The following TDRD12 variants were observed in gnomAD, a reference collection of about 807,000 sequenced individuals.
TDRD12 encodes tudor domain containing 12, also known as putative ATP-dependent RNA helicase TDRD12.
In TDRD12, 158 loss-of-function variants were observed where a neutral mutation model predicts 133.5. The ratio of observed to expected loss-of-function variants is 1.18; its 90% CI spans 1.04 to 1.35. TDRD12 has a LOEUF of 1.35. Ranked by LOEUF, TDRD12 falls within the 40% of genes most tolerant of loss-of-function variation. TDRD12 has a pLI of 0.00. For missense variants in TDRD12, 1,443 were observed against 1,321.3 expected, an observed-to-expected ratio of 1.09 and a Z score of -1.43; for synonymous variants, 460 against 477.9, an observed-to-expected ratio of 0.96 and a Z score of 0.49.
chr19:32,826,805 G>A lies in TDRD12; in HGVS notation c.1049+207G>A, dbSNP rs1967607893. 4.6e-6 allele frequency: 5 copies of A among 1,096,226 alleles called. No homozygotes were observed. The South Asian group carries it at 1.9e-4, about 42-fold the overall frequency. 67.9% of individuals were successfully genotyped at this position (1,096,226 alleles called of 1,614,324 possible). A position where few individuals can be genotyped will look rare whatever the true frequency, so the allele number is the denominator to read the frequency against. Reference sequence around the variant, plus strand: ...GTTGTAGGTTCTGAGGGCAGTGAGGGACACCATCACCCACTTAGGAATTCA... The same window carrying A: ...GTTGTAGGTTCTGAGGGCAGTGAGGAACACCATCACCCACTTAGGAATTCA... On this transcript the variant is annotated intron_variant, in intron 9 of 9. Coordinates refer to the TDRD12 transcript ENST00000637289.
In TDRD12 at chr19:32,798,312, T is replaced by A; in HGVS notation, c.1635T>A (p.Asp545Glu). 3 of 1,529,784 alleles carry A rather than the reference T, an allele frequency of 2.0e-6. No individual in the cohort carries two copies. The South Asian group carries it at 3.6e-5, about 18-fold the overall frequency. 94.8% of individuals were successfully genotyped at this position (1,529,784 alleles called of 1,614,324 possible). ...CACTTTTTTTTTTAAATGCAGGTGATGTGATTGTTACGACCCCATACAGCC... is the reference window on the plus strand; with the variant it reads ...CACTTTTTTTTTTAAATGCAGGTGAAGTGATTGTTACGACCCCATACAGCC... The change falls in exon 16 of 28, where the codon GAT becomes GAA. Residue 545 changes from aspartate to glutamate, a missense_variant. Coordinates refer to ENST00000444215, the Ensembl canonical transcript of TDRD12.
chr19:32,798,474 G>T, intron 16 of TDRD12, 39 bp downstream of exon 16: 1 of 1,484,154 alleles, frequency 6.7e-7, no homozygotes, highest in Admixed American at 2.1e-5. Context: ...CAGAAGAGAG[G>T]CGTGATTAAC....
chr19:32,801,747 C>A lies in TDRD12; in HGVS notation c.2080-9C>A. The A allele has an allele frequency of 8.5e-7, 1 of 1,177,294 alleles. No homozygotes were observed. Among genetic ancestry groups the A allele is most frequent in the Non-Finnish European group, 1.2e-6 (1 of 846,748 alleles). The allele number at this position is 1,177,294 out of a possible 1,614,324, so 72.9% of individuals were successfully genotyped here. ...GACTGTGACCTGGCCTCTTTGATTT[C>A]ATCTTTAGGTAGTAGAAAGCAGTTC... On this transcript the variant is annotated splice_polypyrimidine_tract_variant and intron_variant, in intron 18 of 27. Transcript: ENST00000444215.
downstream of TDRD12, chr19:32,826,041 C>T (rs1967577680): frequency 7.7e-7 from 1 of 1,301,182 alleles, no homozygotes; most frequent in Admixed American, 2.0e-5. Flanking sequence ...TATGTGTGTA[C>T]ATGATGGAGT....
intron 6 of TDRD12, 53 bp downstream of exon 6, chr19:32,749,922 T>C (rs1969774523): frequency 7.7e-7 from 1 of 1,300,042 alleles, no homozygotes; most frequent in Non-Finnish European, 1.1e-6. Context: ...AATTTTACTT[T>C]AATAAAACAG....
At chr19:32,748,043 T>C (rs142604039) in intron 4 of TDRD12, among the ~76,000 whole-genome samples, 1,651 of 152,138 alleles carry the variant, frequency 0.011, 36 homozygotes, top group African/African-American at 0.038. Context: ...AAAGATAGTA[T>C]CTGGCTCTCC....
intron 1 of TDRD12, among the ~76,000 whole-genome samples, chr19:32,721,288 T>A (rs1460157246): frequency 1.3e-5 from 2 of 152,180 alleles, no homozygotes; most frequent in Non-Finnish European, 1.5e-5. Context: ...TATGGGTTAT[T>A]GGAGAAAGGA....
chr19:32,766,722 C>T (rs934847107), intron 8 of TDRD12, among the ~76,000 whole-genome samples: 2 of 151,894 alleles, frequency 1.3e-5, no homozygotes, highest in African/African-American at 4.8e-5. Flanking sequence ...TCTAGTGATT[C>T]TCCTGCCTTA....
chr19:32,775,777 C>T lies in TDRD12; in HGVS notation c.1041-1372C>T, dbSNP rs116406267. Among the ~76,000 whole-genome samples, 877 of 152,236 alleles carry T rather than the reference C, an allele frequency of 5.8e-3. 9 individuals are homozygous for T. The highest frequency in any genetic ancestry group is 0.02 in the African/African-American group (826 of 41,528). On this transcript the variant is annotated intron_variant, in intron 10 of 27. Coordinates refer to ENST00000444215, the Ensembl canonical transcript of TDRD12. Reference sequence around the variant, plus strand: ...TCCAGAGATTGCCACCCTGAGCCACCAGAGGTTGGCACCTGCTGATTGTCG... The same window carrying T: ...TCCAGAGATTGCCACCCTGAGCCACTAGAGGTTGGCACCTGCTGATTGTCG...
At chr19:32,811,887 C>A (rs1341412774) in intron 24 of TDRD12, among the ~76,000 whole-genome samples, 1 of 151,958 alleles carries the variant, frequency 6.6e-6, no homozygotes, top group African/African-American at 2.4e-5. Flanking sequence ...CAAAGCAAAT[C>A]AAAAAACAGA....
intron 6 of TDRD12, among the ~76,000 whole-genome samples, chr19:32,751,067 A>C (rs988456959): frequency 6.6e-6 from 1 of 152,080 alleles, no homozygotes; most frequent in Non-Finnish European, 1.5e-5. Flanking sequence ...TATTAAGCCC[A>C]AAACCCATTA....
intron 1 of TDRD12, 119 bp downstream of exon 1, chr19:32,720,215 C>T (rs1968585500): frequency 4.3e-6 from 5 of 1,161,674 alleles, no homozygotes; most frequent in South Asian, 4.0e-5. Context: ...CCACCGCAGC[C>T]CCGCACAGCC....
At chr19:32,729,916 G>A (rs1346332730) in intron 1 of TDRD12, among the ~76,000 whole-genome samples, 2 of 147,684 alleles carry the variant, frequency 1.4e-5, no homozygotes, top group African/African-American at 5.0e-5. Context: ...TCAGCCTCCC[G>A]AGTAGCTGGG....
At chr19:32,807,624 C>G in exon 22 of TDRD12, 1 of 1,535,360 alleles carries the variant, frequency 6.5e-7, no homozygotes, top group Non-Finnish European at 8.7e-7. Flanking sequence ...CCAGCCAAGC[C>G]CTACCTTCAT....
At chr19:32,723,139 G>A (rs532790485) in intron 1 of TDRD12, among the ~76,000 whole-genome samples, 3 of 152,010 alleles carry the variant, frequency 2.0e-5, no homozygotes, top group South Asian at 2.1e-4. Flanking sequence ...ATGACTATCC[G>A]TCCTCCTTTG....
chr19:32,827,206 T>G, exon 10 of TDRD12: 1 of 1,232,032 alleles, frequency 8.1e-7, no homozygotes, highest in Non-Finnish European at 1.0e-6. Flanking sequence ...ACAGAGGTGG[T>G]TGAAGACAGT....
chr19:32,819,284 T>A (rs2145753156), intron 27 of TDRD12, among the ~76,000 whole-genome samples: 1 of 148,608 alleles, frequency 6.7e-6, no homozygotes, highest in South Asian at 2.1e-4. Context: ...GCCACTGCAC[T>A]CCAGCCTGGG....
At chr19:32,732,302 G>A (rs1342022583) in intron 2 of TDRD12, among the ~76,000 whole-genome samples, 2 of 152,190 alleles carry the variant, frequency 1.3e-5, no homozygotes, top group African/African-American at 4.8e-5. Flanking sequence ...ACTGTGCCCA[G>A]CCAGTGTAAG....
chr19:32,786,903 T>G (rs1970923178), intron 11 of TDRD12, among the ~76,000 whole-genome samples: 1 of 152,208 alleles, frequency 6.6e-6, no homozygotes, highest in Admixed American at 6.5e-5. Context: ...TTGTTATTAC[T>G]GACCTTCTGA....
Sources: gnomAD v4.1 joint callset for allele counts (sites outside exome capture counted in the v4.1 genomes callset) on GRCh38, gnomAD v4.1.1 for gene constraint, MANE v1.5 for transcripts, NCBI Gene and HGNC (gene_info 2026-07-23, HGNC 2026-07-21) for gene names.